The following MAGOHB variants were observed in gnomAD, a reference collection of about 807,000 sequenced individuals.
The protein encoded by MAGOHB is protein mago nashi homolog 2.
MAGOHB carries 15 observed loss-of-function variants against 20.9 expected under a neutral mutation model. That is an observed-to-expected ratio of 0.72 (90% CI 0.48 to 1.11). MAGOHB has a LOEUF of 1.11. MAGOHB is among the 50% of genes least tolerant of loss of function. The pLI is 0.00. For missense variants in MAGOHB, 162 were observed against 177.6 expected, an observed-to-expected ratio of 0.91 and a Z score of 0.50; for synonymous variants, 50 against 57.9, an observed-to-expected ratio of 0.86 and a Z score of 0.62.
At chr12:10,610,949 T>C (rs1865723252) in intron 1 of MAGOHB, among the ~76,000 whole-genome samples, 1 of 152,220 alleles carries the variant, frequency 6.6e-6, no homozygotes, top group South Asian at 2.1e-4. Context: ...AGCTACATCA[T>C]GAACTAGAAA....
chr12:10,612,701 A>G, intron 1 of MAGOHB: 3 of 1,159,620 alleles, frequency 2.6e-6, no homozygotes, highest in Non-Finnish European at 3.2e-6. Flanking sequence ...AACCCAAAAA[A>G]TATATATCCA....
At chr12:10,609,512 C>T (rs1317079814) in intron 3 of MAGOHB, 1 of 386,650 alleles carries the variant, frequency 2.6e-6, no homozygotes, top group East Asian at 6.2e-5. Flanking sequence ...ATAAATTTTA[C>T]ATAGTCATAT....
At chr12:10,602,659 CA>C (rs1865564145), downstream of MAGOHB, among the ~76,000 whole-genome samples, 4 of 152,214 alleles carry the variant, frequency 2.6e-5, no homozygotes, top group South Asian at 8.3e-4. Flanking sequence ...AAAACATGCA[CA>C]TAACACACAA....
chr12:10,601,919 A>G (rs1249066922), downstream of MAGOHB, among the ~76,000 whole-genome samples: 1 of 152,200 alleles, frequency 6.6e-6, no homozygotes, highest in Non-Finnish European at 1.5e-5. Context: ...AATAGGGGAA[A>G]CACCAGGACT....
At chr12:10,611,747 CAAA>C (rs1042294332) in intron 1 of MAGOHB, among the ~76,000 whole-genome samples, 6 of 27,682 alleles carry the variant, frequency 2.2e-4, no homozygotes, top group African/African-American at 6.4e-4. Context: ...GACTCTGTCT[CAAA>C]AAAAAAAAAA....
In MAGOHB at chr12:10,610,611, A is replaced by G; in HGVS notation, c.153+11T>C. 1.4e-6 allele frequency: 2 copies of G among 1,468,292 alleles called. No homozygotes were observed. The highest frequency in any genetic ancestry group is 1.8e-6 in the Non-Finnish European group (2 of 1,106,268). 91.0% of individuals were successfully genotyped at this position (1,468,292 alleles called of 1,614,324 possible). A position where few individuals can be genotyped will look rare whatever the true frequency, so the allele number is the denominator to read the frequency against. On this transcript the variant is annotated intron_variant, in intron 2 of 4. Coordinates refer to ENST00000320756, the MANE Select transcript of MAGOHB (RefSeq NM_018048.5). ...AAAAAAAAAAAAAAAAGACATTCAC[A>G]TAGAACTTACCTCTTTTCTGATCAT...
At chr12:10,611,946 G>A (rs1311945535) in intron 1 of MAGOHB, among the ~76,000 whole-genome samples, 2 of 152,014 alleles carry the variant, frequency 1.3e-5, no homozygotes, top group African/African-American at 4.8e-5. Context: ...GCTTGATGGT[G>A]TTCGCAGGCA....
chr12:10,609,165 T>G, intron 3 of MAGOHB: 1 of 206,632 alleles, frequency 4.8e-6, no homozygotes, highest in Non-Finnish European at 1.0e-5. Flanking sequence ...TGTCAGCATG[T>G]GTTAGATTTC....
downstream of MAGOHB, among the ~76,000 whole-genome samples, chr12:10,600,936 C>T (rs1032743552): frequency 6.6e-6 from 1 of 152,158 alleles, no homozygotes; most frequent in African/African-American, 2.4e-5. Flanking sequence ...TGCAGGCCAT[C>T]AGATGAAACA....
intron 4 of MAGOHB, 94 bp from the exon 5 acceptor site, chr12:10,606,468 T>A: frequency 2.9e-6 from 2 of 684,220 alleles, no homozygotes; most frequent in Non-Finnish European, 5.0e-6. Flanking sequence ...CTCATAACAA[T>A]TAAGTTAACA....
rs61731319 is a variant in MAGOHB at position 10,613,503 on chromosome 12, G to C, written c.30C>G (p.Arg10=). MAVASDFYL[R]YYVGHKGKFG... ...ACTTGCCCTTGTGCCCTACGTAGTA[G>C]CGCAGGTAGAAATCGCTAGCCACAG... is the stretch of plus-strand genomic sequence containing the variant. The change falls in exon 1 of 5, where the codon CGC becomes CGG. Residue 10 remains arginine, a synonymous_variant. Transcript: ENST00000320756. 214 of 1,614,168 alleles carry C rather than the reference G, an allele frequency of 1.3e-4. No homozygotes were observed. The African/African-American group carries it at 2.7e-3, about 20-fold the overall frequency.
chr12:10,606,337 G>A lies in MAGOHB; in HGVS notation c.385C>T (p.Gln129Ter), dbSNP rs1351045079. 1 of 1,580,294 alleles carries A rather than the reference G, an allele frequency of 6.3e-7. No individual in the cohort carries two copies. The highest frequency in any genetic ancestry group is 8.6e-7 in the Non-Finnish European group (1 of 1,161,642). The change falls in exon 5 of 5, where the codon CAA becomes TAA. Residue 129 changes from glutamine (Q) to a stop codon, truncating the protein, a stop_gained. Coordinates refer to ENST00000320756, the MANE Select transcript of MAGOHB (RefSeq NM_018048.5). LOFTEE classifies it high-confidence loss of function. ...EGLRVFYYLV[Q>*]DLKCLVFSLI... Reference sequence around the variant, plus strand: ...CTGAAAACTAAACATTTCAAGTCTTGTACCAAATAGTAAAATACTCGAAGG... The same window carrying A: ...CTGAAAACTAAACATTTCAAGTCTTATACCAAATAGTAAAATACTCGAAGG...
downstream of MAGOHB, among the ~76,000 whole-genome samples, chr12:10,601,682 T>C (rs929770915): frequency 2.0e-5 from 3 of 152,194 alleles, no homozygotes; most frequent in Non-Finnish European, 4.4e-5. Flanking sequence ...TGGGCTCTCA[T>C]AAAATGTTAA....
intron 1 of MAGOHB, among the ~76,000 whole-genome samples, chr12:10,612,290 T>C (rs1029728269): frequency 2.6e-5 from 4 of 151,824 alleles, no homozygotes; most frequent in African/African-American, 9.7e-5. Context: ...TCCCAGCACC[T>C]CGGCAGGCTG....
At chr12:10,608,734 A>C (rs915226969) in intron 3 of MAGOHB, 1 of 152,192 alleles carries the variant, frequency 6.6e-6, no homozygotes, top group African/African-American at 2.4e-5. Flanking sequence ...ATGAATCTTC[A>C]AGTTAACAGA....
Position 10,606,205 on chromosome 12 carries a change from A to C in MAGOHB, c.*70T>G. On this transcript the variant is annotated 3_prime_UTR_variant, in exon 5 of 5. Coordinates refer to ENST00000320756, the MANE Select transcript of MAGOHB (RefSeq NM_018048.5). ...TTTGCTTCACATTCATAAAAACCCCAATACTGTAAATGACAAATAACCCCT... is the reference window on the plus strand; with the variant it reads ...TTTGCTTCACATTCATAAAAACCCCCATACTGTAAATGACAAATAACCCCT... 1 of 843,070 alleles carries C rather than the reference A, an allele frequency of 1.2e-6. No individual in the cohort carries two copies. The allele number at this position is 843,070 out of a possible 1,614,324, so 52.2% of individuals were successfully genotyped here. A position where few individuals can be genotyped will look rare whatever the true frequency, so the allele number is the denominator to read the frequency against.
chr12:10,610,699 A>G lies in MAGOHB; in HGVS notation c.95-19T>C, dbSNP rs200128727. The G allele has an allele frequency of 1.1e-5, 17 of 1,571,486 alleles. No homozygotes were observed. The African/African-American group carries it at 2.2e-4, about 20-fold the overall frequency. ...AGCTTTCCTGTGGGAAGTGGAAAAA[A>G]ATCAATTTATAATAGCAAAAACTGC... On this transcript the variant is annotated intron_variant, in intron 1 of 4. Coordinates refer to ENST00000320756, the MANE Select transcript of MAGOHB (RefSeq NM_018048.5).
downstream of MAGOHB, among the ~76,000 whole-genome samples, chr12:10,600,856 A>G (rs984405737): frequency 2.6e-5 from 4 of 152,164 alleles, no homozygotes; most frequent in African/African-American, 9.7e-5. Flanking sequence ...TGGGATAGAG[A>G]GGCACAGAAC....
At chr12:10,600,979 G>A (rs1343149979), downstream of MAGOHB, among the ~76,000 whole-genome samples, 2 of 152,144 alleles carry the variant, frequency 1.3e-5, no homozygotes, top group African/African-American at 2.4e-5. Context: ...CAATAATGTA[G>A]GCAAAGTTTC....
Sources: gnomAD v4.1 joint callset for allele counts (sites outside exome capture counted in the v4.1 genomes callset) on GRCh38, gnomAD v4.1.1 for gene constraint, MANE v1.5 for transcripts, NCBI Gene and HGNC (gene_info 2026-07-23, HGNC 2026-07-21) for gene names.